Variants in SLC12A2 observed in about 807,000 individuals in gnomAD.
SLC12A2 encodes Na-K-2Cl cotransporter 1.
A neutral mutation model predicts 136.3 loss-of-function variants in SLC12A2; 67 were observed. The ratio of observed to expected loss-of-function variants is 0.49; its 90% CI spans 0.40 to 0.60. The LOEUF (loss-of-function observed/expected upper bound fraction) is 0.60. SLC12A2 is among the 20% of genes least tolerant of loss of function. The pLI is 0.00. For missense variants in SLC12A2, 1,322 were observed against 1,534.7 expected (o/e 0.86, Z 2.32); for synonymous variants, 619 against 562.9 (o/e 1.10, Z -1.41).
intron 26 of SLC12A2, among the ~76,000 whole-genome samples, chr5:128,185,373 C>G (rs1416531383): frequency 6.6e-6 from 1 of 152,106 alleles, no homozygotes; most frequent in African/African-American, 2.4e-5. Context: ...TTGGCTCTTC[C>G]TCTACTGAAC....
chr5:128,127,116 A>ATT (rs35726459), intron 4 of SLC12A2, among the ~76,000 whole-genome samples: 6,793 of 68,680 alleles, frequency 0.099, 1,429 homozygotes, highest in African/African-American at 0.11. Flanking sequence ...TTGGTCTGGA[A>ATT]TTTTTTTTTT....
chr5:128,179,686 G>A (rs555742464), intron 22 of SLC12A2, among the ~76,000 whole-genome samples: 1 of 152,026 alleles, frequency 6.6e-6, no homozygotes, highest in African/African-American at 2.4e-5. Context: ...AAATCACCCG[G>A]TCTCATGAGA....
chr5:128,148,909 T>G (rs1395447134), intron 12 of SLC12A2, 32 bp downstream of exon 12: 2 of 1,539,784 alleles, frequency 1.3e-6, no homozygotes, highest in Non-Finnish European at 1.8e-6. Context: ...TTATTGTAGA[T>G]TTTTGGTGCA....
chr5:128,152,348 A>G (rs531272921), intron 14 of SLC12A2, among the ~76,000 whole-genome samples: 22 of 152,338 alleles, frequency 1.4e-4, no homozygotes, highest in East Asian at 3.9e-4. Context: ...AGTACTATAA[A>G]TAAGTATTTC....
intron 18 of SLC12A2, chr5:128,169,620 T>C (rs1306289723): frequency 1.3e-5 from 2 of 152,178 alleles, no homozygotes; most frequent in Admixed American, 6.5e-5. Flanking sequence ...CAAAACCTCA[T>C]TGTGGCTTTC....
At chr5:128,161,445 C>A (rs1008347765) in intron 16 of SLC12A2, among the ~76,000 whole-genome samples, 4 of 152,078 alleles carry the variant, frequency 2.6e-5, no homozygotes, top group African/African-American at 9.7e-5. Flanking sequence ...CTTATTCTTT[C>A]TACTGGCATC....
intron 17 of SLC12A2, among the ~76,000 whole-genome samples, chr5:128,162,870 A>G (rs1346709088): frequency 6.6e-6 from 1 of 152,214 alleles, no homozygotes; most frequent in Non-Finnish European, 1.5e-5. Context: ...TGGACTACAT[A>G]TGGCCCAGGA....
chr5:128,101,163 A>G (rs575475526), intron 1 of SLC12A2, among the ~76,000 whole-genome samples: 3 of 152,280 alleles, frequency 2.0e-5, no homozygotes, highest in Admixed American at 6.5e-5. Flanking sequence ...GGAGCATTAC[A>G]CTGAATACAC....
Position 128,083,827 on chromosome 5 carries a change from G to T in SLC12A2, c.-128G>T. ...TGGCCGTCCAGGCTAGCGGCGGCCC[G>T]CAGGCGGCGGGGAGAAAGACTCTCT... On this transcript the variant is annotated 5_prime_UTR_variant, in exon 1 of 27. Transcript: ENST00000262461. 2 of 709,188 alleles carry T rather than the reference G, an allele frequency of 2.8e-6. No individual in the cohort carries two copies. The highest frequency in any genetic ancestry group is 1.9e-6 in the Non-Finnish European group (1 of 517,620). 43.9% of individuals were successfully genotyped at this position (709,188 alleles called of 1,614,324 possible).
chr5:128,107,759 A>G (rs1205970611), intron 1 of SLC12A2, among the ~76,000 whole-genome samples: 2 of 152,092 alleles, frequency 1.3e-5, no homozygotes, highest in Non-Finnish European at 2.9e-5. Context: ...ACACGTGTGC[A>G]TGTGTCTTTA....
chr5:128,138,925 T>G lies in SLC12A2; in HGVS notation c.1621+17T>G. The G allele has an allele frequency of 6.5e-7, 1 of 1,542,288 alleles. No individual in the cohort carries two copies. Among genetic ancestry groups the G allele is most frequent in the Non-Finnish European group, 8.9e-7 (1 of 1,118,844 alleles). On this transcript the variant is annotated intron_variant, in intron 9 of 26. Transcript: ENST00000262461. ...TATCTGTAGGTAAATAGTTTCACAT[T>G]TCTTTATGTGTCGCAGAAATTTCAT...
chr5:128,084,389 C>T lies in SLC12A2; in HGVS notation c.435C>T (p.Asp145=), dbSNP rs750869343. 4 of 1,608,804 alleles carry T rather than the reference C, an allele frequency of 2.5e-6. No individual in the cohort carries two copies. The highest frequency in any genetic ancestry group is 1.7e-5 in the Admixed American group (1 of 59,838). The change falls in exon 1 of 27, where the codon GAC becomes GAT. Residue 145 remains aspartate (D), a synonymous_variant. Coordinates refer to ENST00000262461, the MANE Select transcript of SLC12A2 (RefSeq NM_001046.3). This position sits in a 1 kb window ranked among gnomAD's most constrained non-coding sequence, Gnocchi z 5.6. ...AKGRFRVNFV[D]PAASSSAEDS... is the part of the protein sequence containing the mutation. ...GCCGCTTCCGCGTGAACTTCGTGGACCCAGCTGCCTCCTCGTCGGCTGAAG... is the reference window on the plus strand; with the variant it reads ...GCCGCTTCCGCGTGAACTTCGTGGATCCAGCTGCCTCCTCGTCGGCTGAAG...
intron 19 of SLC12A2, 200 bp downstream of exon 19, chr5:128,171,946 G>A (rs947530302): frequency 3.8e-5 from 16 of 416,174 alleles, no homozygotes; most frequent in Non-Finnish European, 5.9e-5. Flanking sequence ...ATGATGGTTA[G>A]TGATTATTTG....
chr5:128,171,524 G>A, intron 18 of SLC12A2, 143 bp from the exon 19 acceptor site: 3 of 629,168 alleles, frequency 4.8e-6, no homozygotes, highest in Non-Finnish European at 8.2e-6. Flanking sequence ...CTCAACAAGT[G>A]ATTTTCAAAG....
intron 26 of SLC12A2, among the ~76,000 whole-genome samples, chr5:128,185,540 C>G (rs1357745506): frequency 1.5e-5 from 2 of 137,628 alleles, no homozygotes; most frequent in African/African-American, 5.9e-5. Context: ...CAAAAAGTTT[C>G]AAGTTTTGCT....
chr5:128,092,771 C>T (rs984878028), intron 1 of SLC12A2, among the ~76,000 whole-genome samples: 5 of 152,094 alleles, frequency 3.3e-5, no homozygotes, highest in African/African-American at 1.2e-4. Flanking sequence ...CCTTTGATTA[C>T]TATATTGGAC....
chr5:128,160,385 T>A (rs1297873452), intron 16 of SLC12A2, among the ~76,000 whole-genome samples: 1 of 151,952 alleles, frequency 6.6e-6, no homozygotes, highest in South Asian at 2.1e-4. Flanking sequence ...ACTTAAAGTT[T>A]TATATATATA....
At chr5:128,120,319 G>C (rs1403990129) in intron 4 of SLC12A2, among the ~76,000 whole-genome samples, 1 of 135,960 alleles carries the variant, frequency 7.4e-6, no homozygotes, top group Non-Finnish European at 1.6e-5. Context: ...CAGGGATCTA[G>C]AACTAGAAAT....
At chr5:128,138,542 T>C in intron 7 of SLC12A2, 55 bp from the exon 8 acceptor site, 10 of 1,519,152 alleles carry the variant, frequency 6.6e-6, no homozygotes, top group Non-Finnish European at 8.9e-6. Flanking sequence ...TGACCTCAGT[T>C]ATTATAGTCT....
Sources: gnomAD v4.1 joint callset for allele counts (sites outside exome capture counted in the v4.1 genomes callset) on GRCh38, gnomAD v4.1.1 for gene constraint, Gnocchi (gnomAD v3.1) non-coding constraint, MANE v1.5 for transcripts, NCBI Gene and HGNC (gene_info 2026-07-23, HGNC 2026-07-21) for gene names.